CADM1: variants seen among roughly 807,000 people sequenced by gnomAD.
CADM1 encodes cell adhesion molecule 1.
CADM1 carries 15 observed loss-of-function variants against 53.1 expected under a neutral mutation model. That is an observed-to-expected ratio of 0.28 (90% confidence interval 0.19 to 0.44). CADM1 has a LOEUF of 0.44. Ranked by LOEUF, CADM1 falls within the 20% of genes least tolerant of loss-of-function variation. The pLI, the probability that CADM1 is intolerant of heterozygous loss-of-function variation, is 1.00. For missense variants in CADM1, 434 were observed against 611.3 expected (o/e 0.71, Z 3.06); for synonymous variants, 281 against 243.0 (o/e 1.16, Z -1.45).
chr11:115,458,963 G>T (rs1178008997), intron 1 of CADM1, among the ~76,000 whole-genome samples: 1 of 152,076 alleles, frequency 6.6e-6, no homozygotes, highest in Admixed American at 6.6e-5. Flanking sequence ...GCATAGCAAG[G>T]CTTCACAATT....
At chr11:115,379,040 T>C (rs577380617) in intron 1 of CADM1, among the ~76,000 whole-genome samples, 1 of 152,340 alleles carries the variant, frequency 6.6e-6, no homozygotes, top group South Asian at 2.1e-4. Flanking sequence ...TAAATGTCTC[T>C]AGCTAGATGA....
At chr11:115,442,597 T>G (rs1420185961) in intron 1 of CADM1, among the ~76,000 whole-genome samples, 1 of 152,194 alleles carries the variant, frequency 6.6e-6, no homozygotes, top group Non-Finnish European at 1.5e-5. Context: ...ATTACGTGTG[T>G]TTATTTCATT....
At chr11:115,382,896 C>G (rs1946613373) in intron 1 of CADM1, among the ~76,000 whole-genome samples, 1 of 152,042 alleles carries the variant, frequency 6.6e-6, no homozygotes, top group Non-Finnish European at 1.5e-5. Context: ...TGAAACAAAC[C>G]AAGTCTCCCT....
intron 5 of CADM1, among the ~76,000 whole-genome samples, chr11:115,219,676 A>G (rs898715904): frequency 6.6e-6 from 1 of 152,102 alleles, no homozygotes; most frequent in Non-Finnish European, 1.5e-5. Context: ...TAAAGGATAA[A>G]CAGGATGACC....
chr11:115,450,536 C>T (rs1948548662), intron 1 of CADM1, among the ~76,000 whole-genome samples: 1 of 152,170 alleles, frequency 6.6e-6, no homozygotes, highest in African/African-American at 2.4e-5. Context: ...GCAGCCAATT[C>T]ATTTTGTTAA....
chr11:115,384,288 T>C (rs1202030892), intron 1 of CADM1, among the ~76,000 whole-genome samples: 1 of 152,196 alleles, frequency 6.6e-6, no homozygotes, highest in Non-Finnish European at 1.5e-5. Context: ...GTGCACACTA[T>C]AGCCGACTCA....
At chr11:115,370,908 C>T (rs2027616) in intron 1 of CADM1, among the ~76,000 whole-genome samples, 55,522 of 151,970 alleles carry the variant, frequency 0.37, 10,582 homozygotes, top group Non-Finnish European at 0.43. Context: ...TTAAAACTAA[C>T]GAAGACTTCC....
intron 1 of CADM1, among the ~76,000 whole-genome samples, chr11:115,300,669 C>A (rs1242030703): frequency 2.0e-5 from 3 of 152,008 alleles, no homozygotes; most frequent in Non-Finnish European, 2.9e-5. Context: ...ACCTTAACAG[C>A]CTATGTCTAG....
At chr11:115,264,997 G>A (rs756773253) in intron 1 of CADM1, among the ~76,000 whole-genome samples, 6 of 152,200 alleles carry the variant, frequency 3.9e-5, no homozygotes, top group East Asian at 3.9e-4. Context: ...TGGGACACAC[G>A]CACACACTCA....
intron 5 of CADM1, among the ~76,000 whole-genome samples, chr11:115,219,537 G>A (rs939377462): frequency 2.0e-5 from 3 of 152,142 alleles, no homozygotes; most frequent in African/African-American, 7.2e-5. Flanking sequence ...GCTGACCCTT[G>A]CAAGTTACAC....
chr11:115,317,983 T>TACACACACACACACAC (rs35753948), intron 1 of CADM1, among the ~76,000 whole-genome samples: 1 of 149,084 alleles, frequency 6.7e-6, no homozygotes, highest in African/African-American at 2.5e-5. Context: ...TATTACACAC[T>TACACACACACACACAC]ACACACACAC....
intron 1 of CADM1, among the ~76,000 whole-genome samples, chr11:115,266,395 T>C (rs912808164): frequency 3.3e-5 from 5 of 152,238 alleles, no homozygotes; most frequent in Non-Finnish European, 7.3e-5. Flanking sequence ...CCTGTGCTAC[T>C]GCCTGGGGCC....
intron 9 of CADM1, among the ~76,000 whole-genome samples, chr11:115,192,747 A>T (rs1378082227): frequency 1.3e-5 from 2 of 152,204 alleles, no homozygotes; most frequent in African/African-American, 4.8e-5. Flanking sequence ...AAAGCTAATT[A>T]AAAAACCCAA....
chr11:115,411,944 C>G (rs17118328), intron 1 of CADM1, among the ~76,000 whole-genome samples: 2,618 of 152,242 alleles, frequency 0.017, 26 homozygotes, highest in Middle Eastern at 0.048. Context: ...TGAAGCACCT[C>G]TTGACAAGAC....
At chr11:115,240,200 C>CTT in intron 2 of CADM1, 74 bp downstream of exon 2, 2 of 1,443,058 alleles carry the variant, frequency 1.4e-6, no homozygotes, top group Admixed American at 3.4e-5. Flanking sequence ...AAAAGGTGGC[C>CTT]TTAGCAATCT....
chr11:115,343,079 TG>T (rs1945490016), intron 1 of CADM1, among the ~76,000 whole-genome samples: 1 of 152,154 alleles, frequency 6.6e-6, no homozygotes, highest in Admixed American at 6.6e-5. Flanking sequence ...ATGATTATCT[TG>T]TATTGTGTCC....
chr11:115,445,698 G>A, intron 1 of CADM1: 1 of 400,022 alleles, frequency 2.5e-6, no homozygotes, highest in South Asian at 1.8e-5. Context: ...TTAAAAATTA[G>A]CTGGGCGTGG....
chr11:115,339,547 C>T lies in CADM1; in HGVS notation c.125-99127G>A, dbSNP rs139031913. Among the ~76,000 whole-genome samples, 588 of 152,202 alleles carry T rather than the reference C, an allele frequency of 3.9e-3. 4 individuals are homozygous for T. Among genetic ancestry groups the T allele is most frequent in the Middle Eastern group, 0.034 (10 of 294 alleles). On this transcript the variant is annotated intron_variant, in intron 1 of 11. Transcript: ENST00000331581. ...CAAATGTAATCATAACTTCATGGAGCTTTTCTCATACCTGCTTCATAGAGG... is the reference window on the plus strand; with the variant it reads ...CAAATGTAATCATAACTTCATGGAGTTTTTCTCATACCTGCTTCATAGAGG...
chr11:115,338,881 T>TA (rs1429941043), intron 1 of CADM1, among the ~76,000 whole-genome samples: 23 of 136,956 alleles, frequency 1.7e-4, no homozygotes, highest in African/African-American at 2.6e-4. Context: ...TTTTTTATTT[T>TA]TTTTTTTTTA....
Sources: gnomAD v4.1 joint callset for allele counts (sites outside exome capture counted in the v4.1 genomes callset) on GRCh38, gnomAD v4.1.1 for gene constraint, MANE v1.5 for transcripts, NCBI Gene and HGNC (gene_info 2026-07-23, HGNC 2026-07-21) for gene names.